The following EEA1 variants were observed in gnomAD, a reference collection of about 807,000 sequenced individuals.
The protein encoded by EEA1 is early endosome antigen 1.
In EEA1, 111 loss-of-function variants were observed where a neutral mutation model predicts 209.2. That is an observed-to-expected ratio of 0.53 (90% CI 0.45 to 0.62). The LOEUF (loss-of-function observed/expected upper bound fraction) is 0.62. EEA1 is among the 20% of genes least tolerant of loss of function. EEA1 has a pLI of 0.00. For synonymous variants in EEA1, 536 were observed against 540.6 expected (o/e 0.99, Z 0.12); for missense variants, 1,343 against 1,530.8 (o/e 0.88, Z 2.05).
At chr12:92,876,650 A>G (rs1407495164) in intron 2 of EEA1, among the ~76,000 whole-genome samples, 2 of 152,128 alleles carry the variant, frequency 1.3e-5, no homozygotes, top group Non-Finnish European at 2.9e-5. Context: ...GTATTTTATA[A>G]TAGCAGTCTG....
chr12:92,885,409 G>A (rs867628564), intron 2 of EEA1, among the ~76,000 whole-genome samples: 3 of 152,240 alleles, frequency 2.0e-5, no homozygotes, highest in Middle Eastern at 3.4e-3. Context: ...CAATGTAAAG[G>A]TAAAAAGGAA....
intron 1 of EEA1, among the ~76,000 whole-genome samples, chr12:92,927,479 A>C (rs1293344012): frequency 6.6e-6 from 1 of 152,228 alleles, no homozygotes; most frequent in Non-Finnish European, 1.5e-5. Flanking sequence ...TCTTCATATA[A>C]TCTCGATGTT....
chr12:92,865,896 C>T (rs1468719615), intron 2 of EEA1, among the ~76,000 whole-genome samples: 2 of 151,648 alleles, frequency 1.3e-5, no homozygotes, highest in African/African-American at 4.8e-5. Flanking sequence ...TACAGGCACC[C>T]GCCACCACGC....
chr12:92,827,168 C>T (rs552287809), intron 12 of EEA1, among the ~76,000 whole-genome samples: 11 of 152,120 alleles, frequency 7.2e-5, no homozygotes, highest in African/African-American at 2.4e-4. Context: ...CCAGCCTGGC[C>T]AACATGGTAA....
At chr12:92,780,182 G>T (rs1873844047) in intron 24 of EEA1, 98 bp downstream of exon 24, 1 of 1,334,644 alleles carries the variant, frequency 7.5e-7, no homozygotes, top group East Asian at 2.7e-5. Flanking sequence ...CTAGCACATA[G>T]CAAGTTCTCA....
At chr12:92,805,579 C>A (rs1875162152) in intron 18 of EEA1, among the ~76,000 whole-genome samples, 2 of 152,074 alleles carry the variant, frequency 1.3e-5, no homozygotes, top group African/African-American at 4.8e-5. Context: ...CAAATGTAAC[C>A]AGTTATATGA....
chr12:92,912,338 A>T (rs1316231925), intron 1 of EEA1, among the ~76,000 whole-genome samples: 1 of 152,050 alleles, frequency 6.6e-6, no homozygotes, highest in African/African-American at 2.4e-5. Flanking sequence ...CCCTACATAA[A>T]CTCTGGGCTG....
chr12:92,797,747 G>T (rs1403213747), intron 21 of EEA1, among the ~76,000 whole-genome samples: 5 of 152,010 alleles, frequency 3.3e-5, no homozygotes, highest in Non-Finnish European at 7.4e-5. Flanking sequence ...ATTATATATG[G>T]TAAGAAAAAC....
At chr12:92,815,370 C>T (rs1239575991) in intron 15 of EEA1, among the ~76,000 whole-genome samples, 1 of 152,162 alleles carries the variant, frequency 6.6e-6, no homozygotes, top group South Asian at 2.1e-4. Flanking sequence ...CCATTCCCTC[C>T]TCATTCCCCT....
rs901613656 is a variant in EEA1, at chr12:92,929,288, G to C, written c.-222C>G. The stretch of plus-strand genomic sequence containing the variant: ...GAGCGAACGACTAGGCAGCCTGCGA[G>C]CGCCTCCAGCCCGCCCGCCGGGCAG... On this transcript the variant is annotated 5_prime_UTR_variant, in exon 1 of 29. Coordinates refer to ENST00000322349, the MANE Select transcript of EEA1 (RefSeq NM_003566.4). 2.8e-6 allele frequency: 1 copy of C among 355,228 alleles called. No individual in the cohort carries two copies. Among genetic ancestry groups the C allele is most frequent in the African/African-American group, 2.2e-5 (1 of 45,058 alleles). 22.0% of individuals were successfully genotyped at this position (355,228 alleles called of 1,614,324 possible). A position where few individuals can be genotyped will look rare whatever the true frequency, so the allele number is the denominator to read the frequency against.
At chr12:92,853,417 C>G (rs1877724663) in intron 6 of EEA1, among the ~76,000 whole-genome samples, 1 of 152,058 alleles carries the variant, frequency 6.6e-6, no homozygotes, top group African/African-American at 2.4e-5. Flanking sequence ...GGGTTCAAGC[C>G]ATCCTCCCCT....
At chr12:92,792,421 TG>T (rs1874447581) in intron 21 of EEA1, among the ~76,000 whole-genome samples, 1 of 151,432 alleles carries the variant, frequency 6.6e-6, no homozygotes, top group Admixed American at 6.6e-5. Flanking sequence ...ATCAAATAGA[TG>T]CAATAAAAAA....
chr12:92,885,071 T>C (rs1159246015), intron 2 of EEA1, among the ~76,000 whole-genome samples: 5 of 151,286 alleles, frequency 3.3e-5, no homozygotes, highest in African/African-American at 1.2e-4. Flanking sequence ...CTGTATATAA[T>C]ATATATATAA....
intron 21 of EEA1, among the ~76,000 whole-genome samples, chr12:92,788,937 T>C (rs1434570649): frequency 1.3e-5 from 2 of 152,174 alleles, no homozygotes; most frequent in South Asian, 2.1e-4. Context: ...TCTGTGAATG[T>C]TGAGACACCC....
At chr12:92,898,726 T>C (rs373773072) in intron 1 of EEA1, among the ~76,000 whole-genome samples, 8 of 142,318 alleles carry the variant, frequency 5.6e-5, no homozygotes, top group African/African-American at 2.1e-4. Flanking sequence ...TTTTCCTTTT[T>C]TTCCCTTTTT....
At chr12:92,883,650 T>G in intron 2 of EEA1, 2 of 609,584 alleles carry the variant, frequency 3.3e-6, no homozygotes, top group South Asian at 2.5e-5. Context: ...TTCTTAATAA[T>G]ATTTTCTTTT....
At chr12:92,783,529 T>C (rs1277971933) in intron 22 of EEA1, among the ~76,000 whole-genome samples, 1 of 152,214 alleles carries the variant, frequency 6.6e-6, no homozygotes, top group Non-Finnish European at 1.5e-5. Flanking sequence ...AATGAGGCTC[T>C]ATCCTGAGAA....
chr12:92,851,375 T>C (rs1877624586), intron 8 of EEA1, 109 bp from the exon 9 acceptor site: 1 of 1,135,432 alleles, frequency 8.8e-7, no homozygotes, highest in South Asian at 1.5e-5. Context: ...ATCATCAATA[T>C]CAATTTTTAG....
At position 92,777,683 on chromosome 12, in the gene EEA1, G is replaced by A; in HGVS notation, c.3894-20C>T. On this transcript the variant is annotated intron_variant, in intron 26 of 28. Transcript: ENST00000322349. The stretch of plus-strand genomic sequence containing the variant: ...AGACATCTGGAATAGATTGCAAAGA[G>A]GTAATTAATTTTTTAGAAAATCATT... 3.1e-6 allele frequency: 5 copies of A among 1,603,282 alleles called. No individual in the cohort carries two copies. The highest frequency in any genetic ancestry group is 4.3e-6 in the Non-Finnish European group (5 of 1,175,356).
Sources: allele counts gnomAD v4.1 joint callset (sites outside exome capture counted in the v4.1 genomes callset), GRCh38; gene constraint gnomAD v4.1.1; transcripts MANE v1.5; gene names NCBI Gene and HGNC (gene_info 2026-07-23, HGNC 2026-07-21).